SPAST: variants seen among roughly 807,000 people sequenced by gnomAD.
SPAST encodes the protein spastic paraplegia 4 (autosomal dominant; spastin).
Under a neutral mutation model 76.6 loss-of-function variants are expected in SPAST, and 30 were observed. The ratio of observed to expected loss-of-function variants is 0.39; its 90% CI spans 0.29 to 0.53. The LOEUF (loss-of-function observed/expected upper bound fraction) is 0.53. SPAST is among the 20% of genes least tolerant of loss of function. The pLI is 0.68. For synonymous variants in SPAST, 305 were observed against 281.0 expected (o/e 1.09, Z -0.86); for missense variants, 717 against 770.5 (o/e 0.93, Z 0.82).
intron 4 of SPAST, among the ~76,000 whole-genome samples, chr2:32,101,828 G>T (rs994829151): frequency 6.6e-6 from 1 of 152,056 alleles, no homozygotes; most frequent in African/African-American, 2.4e-5. Flanking sequence ...TGTTCCATTG[G>T]TCTATATCTC....
chr2:32,152,139 T>G (rs922112272), intron 16 of SPAST, among the ~76,000 whole-genome samples: 1 of 152,208 alleles, frequency 6.6e-6, no homozygotes, highest in African/African-American at 2.4e-5. Context: ...TTTCCCCCCT[T>G]AACTGAACCA....
At chr2:32,115,998 G>A (rs943341795) in intron 6 of SPAST, 121 bp from the exon 7 acceptor site, 23 of 955,530 alleles carry the variant, frequency 2.4e-5, no homozygotes, top group Non-Finnish European at 3.4e-5. Context: ...TTGCTTTACT[G>A]ATTTAACTAT....
At chr2:32,080,783 CTTTTTTT>C (rs1162817708) in intron 1 of SPAST, among the ~76,000 whole-genome samples, 11 of 48,438 alleles carry the variant, frequency 2.3e-4, no homozygotes, top group South Asian at 1.8e-3. Context: ...TGGCTCAGTT[CTTTTTTT>C]TTTTTTTTTT....
At chr2:32,148,682 G>C (rs1249846569) in intron 16 of SPAST, among the ~76,000 whole-genome samples, 1 of 152,058 alleles carries the variant, frequency 6.6e-6, no homozygotes, top group Non-Finnish European at 1.5e-5. Flanking sequence ...GTGGTGGCGG[G>C]CACCTGTAGT....
chr2:32,068,524 A>T (rs1056410788), intron 1 of SPAST, among the ~76,000 whole-genome samples: 2 of 150,826 alleles, frequency 1.3e-5, no homozygotes, highest in African/African-American at 2.4e-5. Flanking sequence ...GCATTTCACC[A>T]TGTTGGCCAG....
chr2:32,063,895 C>T lies in SPAST; in HGVS notation c.64C>T (p.Pro22Ser), dbSNP rs762209469. The T allele has an allele frequency of 2.5e-5, 39 of 1,581,732 alleles. No individual in the cohort carries two copies. In the South Asian group the frequency reaches 4.3e-4, roughly 18 times the overall value. Residue 22 changes from proline (P) to serine (S), a missense_variant, in exon 1 of 17, where the codon CCC becomes TCC. Physicochemically the swap from Pro to Ser is moderately conservative, Grantham distance 74. Transcript: ENST00000315285. ...CGGCGGCGCCAGCAACCCGGTGCCTCCCAGGCCTCCGCCCCCTTGCCTGGC... is the reference window on the plus strand; with the variant it reads ...CGGCGGCGCCAGCAACCCGGTGCCTTCCAGGCCTCCGCCCCCTTGCCTGGC... ...GSGGASNPVP[P>S]RPPPPCLAPA...
intron 1 of SPAST, among the ~76,000 whole-genome samples, chr2:32,075,894 C>CTTT (rs1286144548): frequency 0.013 from 1,143 of 87,086 alleles, 140 homozygotes; most frequent in East Asian, 0.025. Context: ...ATTCAAAATG[C>CTTT]TCTTTTTTTT....
At chr2:32,095,861 G>A (rs35479389) in intron 3 of SPAST, among the ~76,000 whole-genome samples, 2,948 of 152,332 alleles carry the variant, frequency 0.019, 58 homozygotes, top group Middle Eastern at 0.078. Flanking sequence ...GAGACATGAA[G>A]TTGGGATTGC....
intron 4 of SPAST, 23 bp from the exon 5 acceptor site, chr2:32,114,615 T>A: frequency 6.2e-7 from 1 of 1,601,526 alleles, no homozygotes; most frequent in Non-Finnish European, 8.6e-7. Context: ...CTAATCACAA[T>A]GGTTTTACTT....
chr2:32,125,591 T>G (rs1295964128), intron 7 of SPAST, among the ~76,000 whole-genome samples: 3 of 152,046 alleles, frequency 2.0e-5, no homozygotes, highest in African/African-American at 7.2e-5. Context: ...ACACCTTCAC[T>G]GTTATTAAAG....
intron 7 of SPAST, among the ~76,000 whole-genome samples, chr2:32,119,971 C>T (rs532338848): frequency 2.1e-4 from 32 of 150,754 alleles, no homozygotes; most frequent in African/African-American, 7.5e-4. Flanking sequence ...TGATTGTTCT[C>T]CAGTTTTAAA....
intron 3 of SPAST, among the ~76,000 whole-genome samples, chr2:32,091,989 A>C (rs1677738116): frequency 6.6e-6 from 1 of 152,222 alleles, no homozygotes; most frequent in South Asian, 2.1e-4. Flanking sequence ...AAACCATAGT[A>C]GTAAGTGCTT....
Position 32,102,518 on chromosome 2 carries a change from T to C in SPAST, c.682+3627T>C, listed in dbSNP as rs190564748. ...CTTCCAACACTATGTTGAACAGGAG[T>C]GGTGAGAGAGGGCATCCCTGTCTTG... On this transcript the variant is annotated intron_variant, in intron 4 of 16. Coordinates refer to ENST00000315285, the MANE Select transcript of SPAST (RefSeq NM_014946.4). Among the ~76,000 whole-genome samples, 503 of 152,066 alleles carry C rather than the reference T, an allele frequency of 3.3e-3. 1 individual carries two copies. The highest frequency in any genetic ancestry group is 0.012 in the African/African-American group (489 of 41,484).
intron 13 of SPAST, among the ~76,000 whole-genome samples, chr2:32,142,702 C>T (rs560630925): frequency 2.6e-4 from 40 of 152,074 alleles, no homozygotes; most frequent in African/African-American, 8.0e-4. Flanking sequence ...GGCCAGAAAT[C>T]GAAAATTTCT....
chr2:32,114,489 G>A (rs1352872203), intron 4 of SPAST, 149 bp from the exon 5 acceptor site: 2 of 675,498 alleles, frequency 3.0e-6, no homozygotes, highest in Admixed American at 5.1e-5. Context: ...CCCCTATGAA[G>A]ATCCTGGTAC....
intron 1 of SPAST, among the ~76,000 whole-genome samples, chr2:32,071,837 A>C (rs1042868708): frequency 1.3e-5 from 2 of 152,204 alleles, no homozygotes; most frequent in Non-Finnish European, 2.9e-5. Flanking sequence ...CAGGCTTCAG[A>C]GAGAATACAT....
intron 7 of SPAST, among the ~76,000 whole-genome samples, chr2:32,124,299 C>T (rs190375816): frequency 8.9e-4 from 136 of 152,172 alleles, no homozygotes; most frequent in Middle Eastern, 3.4e-3. Context: ...AGGGAAATTG[C>T]GCATTAAAAC....
intron 3 of SPAST, among the ~76,000 whole-genome samples, chr2:32,093,785 TAATA>T (rs1429663506): frequency 2.0e-5 from 3 of 152,074 alleles, no homozygotes; most frequent in South Asian, 4.2e-4. Flanking sequence ...TGTAGGGACT[TAATA>T]AATGAATGTT....
intron 3 of SPAST, among the ~76,000 whole-genome samples, chr2:32,097,067 G>C (rs1490812311): frequency 1.3e-5 from 2 of 152,222 alleles, no homozygotes; most frequent in East Asian, 3.8e-4. Flanking sequence ...GTTTAAGAGA[G>C]TTAATATATA....
Sources: allele counts gnomAD v4.1 joint callset (sites outside exome capture counted in the v4.1 genomes callset), GRCh38; gene constraint gnomAD v4.1.1; transcripts MANE v1.5; gene names NCBI Gene and HGNC (gene_info 2026-07-23, HGNC 2026-07-21).